CLYBL: variants seen among roughly 807,000 people sequenced by gnomAD.
CLYBL encodes the protein citramalyl-CoA lyase.
Under a neutral mutation model 38.9 loss-of-function variants are expected in CLYBL, and 31 were observed. The ratio of observed to expected loss-of-function variants is 0.80; its 90% CI spans 0.60 to 1.08. The LOEUF (loss-of-function observed/expected upper bound fraction) is 1.08. Among genes scored for constraint, CLYBL ranks in the 50% least tolerant of loss-of-function variants. The pLI, the probability that CLYBL is intolerant of heterozygous loss-of-function variation, is 0.00. For synonymous variants in CLYBL, 171 were observed against 158.6 expected (o/e 1.08, Z -0.59); for missense variants, 434 against 411.6 (o/e 1.05, Z -0.47).
chr13:99,744,636 A>AATTC (rs1440151265), intron 1 of CLYBL, among the ~76,000 whole-genome samples: 1 of 152,202 alleles, frequency 6.6e-6, no homozygotes, highest in Non-Finnish European at 1.5e-5. Flanking sequence ...AGTAAGCACC[A>AATTC]ATTCAGAGAG....
intron 1 of CLYBL, among the ~76,000 whole-genome samples, chr13:99,608,194 C>T (rs1224015614): frequency 1.3e-5 from 2 of 151,434 alleles, no homozygotes; most frequent in Non-Finnish European, 2.9e-5. Flanking sequence ...GCCGCAGCCT[C>T]CGGAGTAGTT....
At chr13:99,652,993 C>A (rs534592297) in intron 1 of CLYBL, among the ~76,000 whole-genome samples, 18 of 152,310 alleles carry the variant, frequency 1.2e-4, no homozygotes, top group Admixed American at 1.1e-3. Context: ...ATAACACTCC[C>A]ATGACGACAA....
At chr13:99,756,322 T>A (rs1386957345) in intron 1 of CLYBL, among the ~76,000 whole-genome samples, 1 of 152,226 alleles carries the variant, frequency 6.6e-6, no homozygotes, top group Non-Finnish European at 1.5e-5. Flanking sequence ...CCCAAGTCCT[T>A]TTTGGGATCG....
chr13:99,796,978 G>C (rs1487548726), intron 2 of CLYBL, among the ~76,000 whole-genome samples: 1 of 152,212 alleles, frequency 6.6e-6, no homozygotes, highest in Admixed American at 6.5e-5. Context: ...GGGTGCCCAA[G>C]ACATAGTCAT....
Position 99,821,974 on chromosome 13 carries a change from G to T in CLYBL, c.250-36887G>T, listed in dbSNP as rs138993095. On this transcript the variant is annotated intron_variant, in intron 2 of 8. Transcript: ENST00000339105. The stretch of plus-strand genomic sequence containing the variant: ...CAGTGGAACACATGCAGGCTTGCAC[G>T]TCTGGAACTCTGCCACCTAATTTAG... Among the ~76,000 whole-genome samples the T allele has an allele frequency of 2.8e-3, 431 of 152,284 alleles. 5 individuals carry two copies. Among genetic ancestry groups the T allele is most frequent in the African/African-American group, 9.0e-3 (375 of 41,548 alleles).
chr13:99,769,292 G>A (rs932378252), intron 1 of CLYBL, among the ~76,000 whole-genome samples: 3 of 152,114 alleles, frequency 2.0e-5, no homozygotes, highest in African/African-American at 4.8e-5. Context: ...AGCCTTCCCC[G>A]AGAAGTTGCA....
At chr13:99,769,270 A>G (rs2049333566) in intron 1 of CLYBL, among the ~76,000 whole-genome samples, 1 of 152,188 alleles carries the variant, frequency 6.6e-6, no homozygotes, top group Non-Finnish European at 1.5e-5. Context: ...ATTAACTACT[A>G]TTTAATATCC....
At chr13:99,814,551 A>T (rs752846777) in intron 2 of CLYBL, among the ~76,000 whole-genome samples, 1 of 149,782 alleles carries the variant, frequency 6.7e-6, no homozygotes, top group Non-Finnish European at 1.5e-5. Context: ...GGTGAGAGAG[A>T]TCCCTTCTCT....
chr13:99,900,696 C>CCTGACGGGAA (rs2052632344), downstream of CLYBL, among the ~76,000 whole-genome samples: 1 of 152,194 alleles, frequency 6.6e-6, no homozygotes, highest in African/African-American at 2.4e-5. Flanking sequence ...TTCCTCCTCC[C>CCTGACGGGAA]TCGAGCTCCT....
chr13:99,633,192 C>T (rs866273590), intron 1 of CLYBL, among the ~76,000 whole-genome samples: 176 of 101,098 alleles, frequency 1.7e-3, no homozygotes, highest in African/African-American at 6.7e-3. Context: ...GCCTGGGCAA[C>T]AGAGCAAGAT....
chr13:99,726,341 T>G (rs1212300522), intron 1 of CLYBL: 5 of 152,236 alleles, frequency 3.3e-5, no homozygotes, highest in African/African-American at 1.2e-4. Context: ...TTACAATGAT[T>G]ATGTAAATAG....
chr13:99,881,545 C>T (rs1366443027), intron 7 of CLYBL, among the ~76,000 whole-genome samples: 1 of 152,068 alleles, frequency 6.6e-6, no homozygotes, highest in African/African-American at 2.4e-5. Flanking sequence ...ACCTCAGCCT[C>T]CCGAGTAGCT....
intron 1 of CLYBL, among the ~76,000 whole-genome samples, chr13:99,619,487 T>G (rs2046762893): frequency 6.6e-6 from 1 of 152,264 alleles, no homozygotes; most frequent in Non-Finnish European, 1.5e-5. Context: ...TTTCTACTTT[T>G]AGGAAAATAT....
intron 7 of CLYBL, among the ~76,000 whole-genome samples, chr13:99,883,749 C>T (rs9300571): frequency 0.85 from 129,033 of 151,970 alleles, 55,025 homozygotes; most frequent in African/African-American, 0.89. Context: ...CAAAGAAAAC[C>T]GACTCCATGC....
Position 99,631,196 on chromosome 13 carries a change from C to T in CLYBL, c.62+24439C>T, listed in dbSNP as rs570036396. 1.1e-3 allele frequency among the ~76,000 whole-genome samples: 164 copies of T among 152,058 alleles called. 2 individuals carry two copies. Among genetic ancestry groups the T allele is most frequent in the African/African-American group, 3.9e-3 (161 of 41,480 alleles). On this transcript the variant is annotated intron_variant, in intron 1 of 8. Coordinates refer to ENST00000339105, the MANE Select transcript of CLYBL (RefSeq NM_206808.5). ...AATTAGCCACGCATGGTGGCGCATGCCTGTAGTGCCAGCTACTCCAGAGGT... is the reference window on the plus strand; with the variant it reads ...AATTAGCCACGCATGGTGGCGCATGTCTGTAGTGCCAGCTACTCCAGAGGT...
chr13:99,786,675 A>G lies in CLYBL; in HGVS notation c.249+13665A>G, dbSNP rs112008544. 3.9e-4 allele frequency among the ~76,000 whole-genome samples: 59 copies of G among 152,308 alleles called. 1 individual carries two copies. Among genetic ancestry groups the G allele is most frequent in the African/African-American group, 1.4e-3 (57 of 41,560 alleles). Reference sequence around the variant, plus strand: ...AGTGCCACAATAAACATACGTGTACATGTGTCTTTGTAGCAGCATGATTTA... The same window carrying G: ...AGTGCCACAATAAACATACGTGTACGTGTGTCTTTGTAGCAGCATGATTTA... On this transcript the variant is annotated intron_variant, in intron 2 of 8. Transcript: ENST00000339105.
At chr13:99,632,069 G>A (rs9557268) in intron 1 of CLYBL, among the ~76,000 whole-genome samples, 45,430 of 152,094 alleles carry the variant, frequency 0.3, 7,727 homozygotes, top group East Asian at 0.61. Context: ...GCCAAAAGCC[G>A]CAGCCTTACT....
chr13:99,669,282 G>A (rs966596674), intron 1 of CLYBL, among the ~76,000 whole-genome samples: 1 of 152,156 alleles, frequency 6.6e-6, no homozygotes, highest in Non-Finnish European at 1.5e-5. Context: ...GATTACAGGT[G>A]TGAGCTGCCG....
chr13:99,656,040 G>T (rs1566600877), intron 1 of CLYBL, among the ~76,000 whole-genome samples: 1 of 152,210 alleles, frequency 6.6e-6, no homozygotes. Flanking sequence ...GTCTCGCGGG[G>T]AGACCTGTGA....
Sources: gnomAD v4.1 joint callset for allele counts (sites outside exome capture counted in the v4.1 genomes callset) on GRCh38, gnomAD v4.1.1 for gene constraint, MANE v1.5 for transcripts, NCBI Gene and HGNC (gene_info 2026-07-23, HGNC 2026-07-21) for gene names.